The following FREM3 variants were observed in gnomAD, a reference collection of about 807,000 sequenced individuals.
FREM3 encodes the protein FRAS1-related extracellular matrix protein 3.
FREM3 carries 105 observed loss-of-function variants against 129.1 expected under a neutral mutation model. That is an observed-to-expected ratio of 0.81 (90% CI 0.69 to 0.96). FREM3 has a LOEUF of 0.96. Among genes scored for constraint, FREM3 ranks in the 40% least tolerant of loss-of-function variants. The pLI is 0.00. For synonymous variants in FREM3, 1,014 were observed against 1,044.9 expected (o/e 0.97, Z 0.57); for missense variants, 2,593 against 2,666.3 (o/e 0.97, Z 0.61).
At chr4:143,603,150 G>A (rs1738602541) in intron 6 of FREM3, among the ~76,000 whole-genome samples, 3 of 152,024 alleles carry the variant, frequency 2.0e-5, no homozygotes, top group Admixed American at 6.6e-5. Flanking sequence ...TGTCTCTTGT[G>A]GGTCTGCATC....
At chr4:143,663,371 G>T (rs1739781394) in intron 2 of FREM3, among the ~76,000 whole-genome samples, 1 of 152,036 alleles carries the variant, frequency 6.6e-6, no homozygotes, top group South Asian at 2.1e-4. Context: ...ATGAAATTCT[G>T]GATTGAAAAT....
intron 2 of FREM3, among the ~76,000 whole-genome samples, chr4:143,661,230 T>C (rs1303222808): frequency 6.6e-6 from 1 of 152,202 alleles, no homozygotes; most frequent in East Asian, 1.9e-4. Flanking sequence ...TTGTCATAGA[T>C]AGCTCTTATT....
intron 2 of FREM3, among the ~76,000 whole-genome samples, chr4:143,628,458 G>A (rs763387906): frequency 6.6e-6 from 1 of 152,044 alleles, no homozygotes; most frequent in Non-Finnish European, 1.5e-5. Flanking sequence ...TCTGGGGAGT[G>A]GTTGCTACAA....
intron 2 of FREM3, among the ~76,000 whole-genome samples, chr4:143,676,277 T>C (rs865990506): frequency 1.2e-3 from 187 of 152,180 alleles, no homozygotes; most frequent in Admixed American, 2.6e-3. Flanking sequence ...ATAAACAGAA[T>C]CAAAGACAAA....
In FREM3 at chr4:143,627,749, G is replaced by T; in HGVS notation, c.5287C>A (p.Leu1763Ile). The T allele has an allele frequency of 6.5e-7, 1 of 1,535,114 alleles. No individual in the cohort carries two copies. Among genetic ancestry groups the T allele is most frequent in the Non-Finnish European group, 8.7e-7 (1 of 1,145,344 alleles). Residue 1763 changes from leucine (L) to isoleucine (I), a missense_variant, in exon 3 of 8, where the codon CTA (leucine) becomes ATA (isoleucine). Coordinates refer to ENST00000329798, the MANE Select transcript of FREM3 (RefSeq NM_001168235.2). ...FSVEDNGGNK[L>I]TNQPFHLNWA... ...TTTAGATGGAAAGGCTGATTTGTTA[G>T]TTTATTTCCTCCTGCAATTGATAGG...
intron 2 of FREM3, among the ~76,000 whole-genome samples, chr4:143,688,135 G>C (rs1740400888): frequency 6.6e-6 from 1 of 152,088 alleles, no homozygotes; most frequent in Admixed American, 6.6e-5. Context: ...TCCAGAAAGT[G>C]CCTAGAACTG....
chr4:143,700,406 C>T lies in FREM3; in HGVS notation c.270G>A (p.Gln90=), dbSNP rs1184264869. The T allele has an allele frequency of 5.2e-6, 8 of 1,534,224 alleles. No homozygotes were observed. The highest frequency in any genetic ancestry group is 7.0e-6 in the Non-Finnish European group (8 of 1,145,670). The change falls in exon 1 of 8, where the codon CAG becomes CAA. Residue 90 remains glutamine, a synonymous_variant. Transcript: ENST00000329798. ...DPLRDLVIGV[Q]PGDRCEVTVL... is the part of the protein sequence containing the mutation. ...CCGTGACTTCGCACCGGTCCCCCGG[C>T]TGCACTCCAATCACCAGATCCCGGA...
intron 2 of FREM3, among the ~76,000 whole-genome samples, chr4:143,634,589 G>A (rs1276130990): frequency 1.3e-5 from 2 of 152,060 alleles, no homozygotes; most frequent in African/African-American, 2.4e-5. Context: ...AAAGGGCTTC[G>A]TCTTCATGAC....
chr4:143,602,187 A>G (rs1028444096), intron 6 of FREM3, among the ~76,000 whole-genome samples: 13 of 152,318 alleles, frequency 8.5e-5, no homozygotes, highest in Admixed American at 2.6e-4. Context: ...ATTTTCTCAA[A>G]TAGTCAATTT....
intron 2 of FREM3, among the ~76,000 whole-genome samples, chr4:143,670,367 G>T (rs753634269): frequency 2.6e-5 from 4 of 152,100 alleles, no homozygotes; most frequent in Admixed American, 6.5e-5. Context: ...AAGAGTTGTT[G>T]TATATACATG....
chr4:143,621,252 G>T, intron 4 of FREM3, 90 bp from the exon 5 acceptor site: 3 of 1,192,296 alleles, frequency 2.5e-6, no homozygotes, highest in South Asian at 1.5e-5. Flanking sequence ...CAAAGCCTTT[G>T]ACTCTTATAT....
At chr4:143,621,964 G>A (rs1738958537) in intron 4 of FREM3, among the ~76,000 whole-genome samples, 1 of 152,080 alleles carries the variant, frequency 6.6e-6, no homozygotes, top group Admixed American at 6.6e-5. Flanking sequence ...GTGTGAAGTG[G>A]AGAACTGCAG....
intron 2 of FREM3, among the ~76,000 whole-genome samples, chr4:143,629,762 A>G (rs1297371998): frequency 6.6e-6 from 1 of 152,110 alleles, no homozygotes; most frequent in African/African-American, 2.4e-5. Flanking sequence ...ATCTCAATTT[A>G]TAACTGGACA....
chr4:143,586,058 C>A (rs1738238142), intron 6 of FREM3, 65 bp from the exon 7 acceptor site: 1 of 1,474,162 alleles, frequency 6.8e-7, no homozygotes, highest in Admixed American at 2.0e-5. Flanking sequence ...TCTCCTTTGG[C>A]CCTGTGTGAG....
chr4:143,681,257 A>G (rs2149859256), intron 2 of FREM3, among the ~76,000 whole-genome samples: 1 of 152,240 alleles, frequency 6.6e-6, no homozygotes, highest in Non-Finnish European at 1.5e-5. Context: ...TGTAGTAAGG[A>G]GCAAATGAAA....
intron 3 of FREM3, among the ~76,000 whole-genome samples, chr4:143,626,872 G>T (rs1025371506): frequency 1.3e-5 from 2 of 152,144 alleles, no homozygotes; most frequent in African/African-American, 4.8e-5. Context: ...GGTCCTGCAT[G>T]TCGAGGAAAC....
chr4:143,651,620 C>T (rs948016009), intron 2 of FREM3, among the ~76,000 whole-genome samples: 14 of 152,148 alleles, frequency 9.2e-5, no homozygotes, highest in African/African-American at 3.4e-4. Context: ...GTAAAGTGGT[C>T]AACTGAAATG....
chr4:143,583,327 C>T (rs746614781), intron 7 of FREM3, among the ~76,000 whole-genome samples: 18 of 152,144 alleles, frequency 1.2e-4, no homozygotes, highest in South Asian at 4.1e-4. Context: ...ACCAAATCTA[C>T]GACTCATTGG....
chr4:143,604,050 C>G (rs984354017), intron 6 of FREM3, among the ~76,000 whole-genome samples: 1 of 152,080 alleles, frequency 6.6e-6, no homozygotes, highest in Non-Finnish European at 1.5e-5. Flanking sequence ...TGGTGCCATC[C>G]TCAAAGTAAT....
Sources: gnomAD v4.1 joint callset for allele counts (sites outside exome capture counted in the v4.1 genomes callset) on GRCh38, gnomAD v4.1.1 for gene constraint, MANE v1.5 for transcripts, NCBI Gene and HGNC (gene_info 2026-07-23, HGNC 2026-07-21) for gene names.